C20orf203: variants seen among roughly 807,000 people sequenced by gnomAD.
The protein encoded by C20orf203 is uncharacterized protein C20orf203.
Under a neutral mutation model 15.9 loss-of-function variants are expected in C20orf203, and 16 were observed. The ratio of observed to expected loss-of-function variants is 1.01; its 90% confidence interval spans 0.68 to 1.53. C20orf203 has a LOEUF of 1.53. Ranked by LOEUF, C20orf203 falls within the 40% of genes most tolerant of loss-of-function variation. The pLI is 0.00. For synonymous variants in C20orf203, 98 were observed against 97.2 expected, an observed-to-expected ratio of 1.01 and a Z score of -0.05; for missense variants, 263 against 247.5, an observed-to-expected ratio of 1.06 and a Z score of -0.42.
At chr20:32,636,822 C>A (rs1281261184) in intron 5 of C20orf203, among the ~76,000 whole-genome samples, 2 of 152,180 alleles carry the variant, frequency 1.3e-5, no homozygotes, top group East Asian at 1.9e-4. Flanking sequence ...TTGGAGTGAC[C>A]CATTCATCCT....
intron 1 of C20orf203, among the ~76,000 whole-genome samples, chr20:32,664,827 C>T (rs1053556553): frequency 6.6e-6 from 1 of 152,254 alleles, no homozygotes; most frequent in African/African-American, 2.4e-5. Context: ...CCACACTGTG[C>T]CCCATGGGTG....
chr20:32,642,512 C>T (rs74679909), intron 4 of C20orf203, among the ~76,000 whole-genome samples: 2,247 of 152,298 alleles, frequency 0.015, 31 homozygotes, highest in African/African-American at 0.04. Context: ...TTTGGCGCGG[C>T]GAGAGGCCAC....
intron 1 of C20orf203, among the ~76,000 whole-genome samples, chr20:32,672,108 A>G (rs1983184542): frequency 6.6e-6 from 1 of 152,084 alleles, no homozygotes. Flanking sequence ...CAAGGTCAGG[A>G]GTTCGAGACC....
chr20:32,663,825 C>G (rs377250778), intron 1 of C20orf203, among the ~76,000 whole-genome samples: 1 of 152,338 alleles, frequency 6.6e-6, no homozygotes, highest in East Asian at 1.9e-4. Flanking sequence ...ACCACACTGT[C>G]CCCGGAGGGA....
chr20:32,646,258 G>C (rs1205694162), intron 4 of C20orf203, among the ~76,000 whole-genome samples: 1 of 148,564 alleles, frequency 6.7e-6, no homozygotes, highest in African/African-American at 2.5e-5. Context: ...TTTTGAGACA[G>C]AGTCTGGCTC....
chr20:32,641,197 T>C (rs760138963), intron 4 of C20orf203, among the ~76,000 whole-genome samples: 1 of 151,572 alleles, frequency 6.6e-6, no homozygotes, highest in Non-Finnish European at 1.5e-5. Flanking sequence ...TCGTGGTGCA[T>C]GTGTGGAGTA....
chr20:32,647,029 T>C (rs529146741), intron 4 of C20orf203, among the ~76,000 whole-genome samples: 1 of 152,274 alleles, frequency 6.6e-6, no homozygotes, highest in South Asian at 2.1e-4. Flanking sequence ...TTGATGTGAG[T>C]CTCTGTCCTC....
rs1224626273 is a variant in C20orf203 at position 32,633,775 on chromosome 20, C to A, written c.*1795G>T. The A allele has an allele frequency of 5.5e-6, 2 of 361,012 alleles. No individual in the cohort carries two copies. The highest frequency in any genetic ancestry group is 9.9e-6 in the Non-Finnish European group (2 of 202,768). 22.4% of individuals were successfully genotyped at this position (361,012 alleles called of 1,614,324 possible). On this transcript the variant is annotated 3_prime_UTR_variant, in exon 6 of 6. Transcript: ENST00000608990. The stretch of plus-strand genomic sequence containing the variant: ...GCCTCTGACTCCTCCGGCCAGTCGC[C>A]CTGACAGCCCCCTCACCGCGTTGCA...
intron 1 of C20orf203, among the ~76,000 whole-genome samples, chr20:32,659,721 T>C (rs1019355529): frequency 1.3e-5 from 2 of 152,242 alleles, no homozygotes; most frequent in African/African-American, 4.8e-5. Context: ...CACTTGTCCA[T>C]GTCCCACAGT....
chr20:32,641,415 AACGC>A (rs1982277986), intron 4 of C20orf203, among the ~76,000 whole-genome samples: 5 of 151,994 alleles, frequency 3.3e-5, no homozygotes, highest in Non-Finnish European at 7.4e-5. Context: ...TGTTAGGAAT[AACGC>A]TGCTATTAAC....
At chr20:32,671,005 C>A in intron 1 of C20orf203, among the ~76,000 whole-genome samples, 1 of 110,814 alleles carries the variant, frequency 9.0e-6, no homozygotes. Flanking sequence ...GTTAGAACTG[C>A]CATTATTTAA....
intron 5 of C20orf203, among the ~76,000 whole-genome samples, chr20:32,637,917 T>C (rs1452988806): frequency 6.6e-6 from 1 of 152,024 alleles, no homozygotes; most frequent in Non-Finnish European, 1.5e-5. Flanking sequence ...TGTGTGTGCC[T>C]GTGTTTGTGT....
chr20:32,647,042 T>C (rs914421131), intron 4 of C20orf203, among the ~76,000 whole-genome samples: 7 of 152,230 alleles, frequency 4.6e-5, no homozygotes, highest in African/African-American at 1.7e-4. Context: ...CTGTCCTCCA[T>C]TGTCTCACTC....
At position 32,661,564 on chromosome 20, in the gene C20orf203, A is replaced by G. The variant is rs372088114; in HGVS notation, c.-263-9583T>C. Among the ~76,000 whole-genome samples, 3 of 152,132 alleles carry G rather than the reference A, an allele frequency of 2.0e-5. No homozygotes were observed. In the South Asian group the frequency reaches 6.2e-4, roughly 31 times the overall value. ...CTGGAAAGACTGGGAGAAGCAGCAA[A>G]TCTAGGGGTTCTCCATGAATCTTCC... On this transcript the variant is annotated intron_variant, in intron 1 of 5. Transcript: ENST00000608990.
At chr20:32,645,045 T>C (rs1485773468) in intron 4 of C20orf203, among the ~76,000 whole-genome samples, 2 of 151,886 alleles carry the variant, frequency 1.3e-5, no homozygotes, top group Non-Finnish European at 2.9e-5. Flanking sequence ...CCCCTTCCCA[T>C]TCCTAAGCCA....
At chr20:32,638,929 G>A (rs770770495) in intron 5 of C20orf203, among the ~76,000 whole-genome samples, 2 of 152,320 alleles carry the variant, frequency 1.3e-5, no homozygotes, top group East Asian at 1.9e-4. Context: ...CAGGAGCTGC[G>A]GTGTGCAACT....
intron 1 of C20orf203, among the ~76,000 whole-genome samples, chr20:32,671,978 G>A (rs1983180699): frequency 1.3e-5 from 2 of 151,808 alleles, no homozygotes; most frequent in Admixed American, 1.3e-4. Flanking sequence ...GAGGTCTTCT[G>A]CACAACATTG....
chr20:32,672,179 G>A (rs1983186306), intron 1 of C20orf203, among the ~76,000 whole-genome samples: 1 of 151,782 alleles, frequency 6.6e-6, no homozygotes, highest in Non-Finnish European at 1.5e-5. Context: ...AGCTGGGCAT[G>A]GTGGTGGGCG....
At chr20:32,652,170 G>A (rs1387095659) in intron 1 of C20orf203, among the ~76,000 whole-genome samples, 189 bp from the exon 2 acceptor site, 1 of 151,816 alleles carries the variant, frequency 6.6e-6, no homozygotes, top group Non-Finnish European at 1.5e-5. Context: ...TTAGCTGGGT[G>A]TGGTGGTGCA....
Sources: allele counts gnomAD v4.1 joint callset (sites outside exome capture counted in the v4.1 genomes callset), GRCh38; gene constraint gnomAD v4.1.1; transcripts MANE v1.5; gene names NCBI Gene and HGNC (gene_info 2026-07-23, HGNC 2026-07-21).